MPRIP: variants seen among roughly 807,000 people sequenced by gnomAD.
The protein encoded by MPRIP is myosin phosphatase Rho-interacting protein.
MPRIP carries 59 observed loss-of-function variants against 234.9 expected under a neutral mutation model. The ratio of observed to expected loss-of-function variants is 0.25; its 90% CI spans 0.20 to 0.31. The LOEUF (loss-of-function observed/expected upper bound fraction) is 0.31, where lower values mean the gene tolerates loss of function less well. Ranked by LOEUF, MPRIP falls within the 10% of genes least tolerant of loss-of-function variation. MPRIP has a pLI of 1.00. For missense variants in MPRIP, 2,436 were observed against 3,071.0 expected (o/e 0.79, Z 4.89); for synonymous variants, 1,144 against 1,263.9 (o/e 0.91, Z 2.01).
In MPRIP at chr17:17,158,873, G is replaced by C; in HGVS notation, c.2271G>C (p.Arg757=). Residue 757 remains arginine, a synonymous_variant, in exon 14 of 24, where the codon CGG becomes CGC. Transcript: ENST00000651222. ...THNVHVEIEQ[R]WHQVETTPLR... ...ACGTCCACGTGGAGATTGAGCAGCG[G>C]TGGCATCAGGTGGAGACCACACCTC... The C allele has an allele frequency of 6.2e-7, 1 of 1,612,012 alleles. No homozygotes were observed.
At chr17:17,116,093 A>G (rs1229996237) in intron 3 of MPRIP, among the ~76,000 whole-genome samples, 1 of 152,236 alleles carries the variant, frequency 6.6e-6, no homozygotes, top group Non-Finnish European at 1.5e-5. Flanking sequence ...ATATAAATCT[A>G]GCAGGGTTGG....
chr17:17,123,016 A>T (rs554018496), intron 3 of MPRIP, among the ~76,000 whole-genome samples: 14 of 152,382 alleles, frequency 9.2e-5, no homozygotes, highest in African/African-American at 2.4e-4. Context: ...ATAGCCGCAC[A>T]ATGGAACGTT....
chr17:17,043,228 C>T (rs1022899637), intron 1 of MPRIP, among the ~76,000 whole-genome samples: 1 of 152,138 alleles, frequency 6.6e-6, no homozygotes, highest in Admixed American at 6.5e-5. Flanking sequence ...CTCAAAAGTG[C>T]CTGGTTTCGC....
At chr17:17,172,854 C>T (rs748233713) in intron 18 of MPRIP, 39 bp downstream of exon 18, 9 of 1,549,902 alleles carry the variant, frequency 5.8e-6, no homozygotes, top group Non-Finnish European at 8.0e-6. Context: ...TTGGGAGGGC[C>T]CCTCTGGGGT....
intron 3 of MPRIP, among the ~76,000 whole-genome samples, chr17:17,081,867 A>T (rs905080206): frequency 6.6e-6 from 1 of 152,094 alleles, no homozygotes; most frequent in Non-Finnish European, 1.5e-5. Flanking sequence ...AGGAGAGGCA[A>T]ATTTCCCGAA....
chr17:17,133,041 C>T (rs1004537879), intron 5 of MPRIP, among the ~76,000 whole-genome samples: 1 of 152,202 alleles, frequency 6.6e-6, no homozygotes, highest in African/African-American at 2.4e-5. Context: ...AGAAGCCGCT[C>T]TCAGCCCAGT....
In MPRIP at chr17:17,126,815, G is replaced by A. The variant is rs140002644; in HGVS notation, c.381G>A (p.Glu127=). The A allele has an allele frequency of 2.4e-4, 380 of 1,614,220 alleles. 2 individuals carry two copies. In the African/African-American group the frequency reaches 4.6e-3, roughly 19 times the overall value. ...FSLCILTPEK[E]HFIRAETKEI... is the part of the protein sequence containing the mutation. ...TGTGTATTCTGACGCCTGAGAAGGA[G>A]CATTTCATCCGGGCGGAGACCAAGG... Residue 127 remains glutamate, a synonymous_variant, in exon 4 of 24, where the codon GAG becomes GAA. Transcript: ENST00000651222.
chr17:17,075,777 A>G lies in MPRIP; in HGVS notation c.191A>G (p.His64Arg). ...PDGTDFDNPVHRSRKWQRRFF... is the reference protein window; with the variant it reads ...PDGTDFDNPVRRSRKWQRRFF... ...GGGACCGACTTTGACAACCCAGTGC[A>G]CCGGTCTCGGGTAAGGGCATCAGAG... Residue 64 changes from histidine (H) to arginine (R), a missense_variant, in exon 2 of 24, where the codon CAC (histidine) becomes CGC (arginine). Physicochemically the swap from His to Arg is conservative, Grantham distance 29. This residue lies in a region of MPRIP where 140 missense variants were observed against 207.3 expected (regional missense o/e 0.68). Transcript: ENST00000651222. 1.9e-6 allele frequency: 3 copies of G among 1,613,900 alleles called. No homozygotes were observed. The highest frequency in any genetic ancestry group is 2.5e-6 in the Non-Finnish European group (3 of 1,179,956).
chr17:17,137,901 C>T lies in MPRIP; in HGVS notation c.737-15C>T, dbSNP rs747356640. The T allele has an allele frequency of 1.9e-6, 3 of 1,566,948 alleles. No homozygotes were observed. The highest frequency in any genetic ancestry group is 2.6e-6 in the Non-Finnish European group (3 of 1,157,246). On this transcript the variant is annotated splice_polypyrimidine_tract_variant and intron_variant, in intron 6 of 23. Coordinates refer to ENST00000651222, the MANE Select transcript of MPRIP (RefSeq NM_001364716.4). ...CAGGCTGAGTGCGTCTCCTCCCTCC[C>T]ACTGTCTCTTCCAGAGGAGAGCGCC...
At chr17:17,172,886 C>A (rs2046175239) in intron 18 of MPRIP, 71 bp downstream of exon 18, 1 of 1,385,938 alleles carries the variant, frequency 7.2e-7, no homozygotes, top group Non-Finnish European at 1.0e-6. Flanking sequence ...CACAGCTGGG[C>A]CCTTCCTGTG....
chr17:17,164,389 G>A lies in MPRIP; in HGVS notation c.2798G>A (p.Arg933Gln), dbSNP rs891831623. Residue 933 changes from arginine (R) to glutamine (Q), a missense_variant, in exon 16 of 24, where the codon CGG becomes CAG. By Grantham distance (43) the Arg-to-Gln change is conservative. Transcript: ENST00000651222. Reference sequence around the variant, plus strand: ...GGCGACCTGAAGCGGGAGCAGGGCCGGGTCCGCGAGCAGCTGGAGGAGCGG... The same window carrying A: ...GGCGACCTGAAGCGGGAGCAGGGCCAGGTCCGCGAGCAGCTGGAGGAGCGG... Reference protein sequence around the residue: ...LKGDLKREQGRVREQLEERQH... With the variant: ...LKGDLKREQGQVREQLEERQH... The A allele has an allele frequency of 7.0e-6, 9 of 1,290,264 alleles. No individual in the cohort carries two copies. Among genetic ancestry groups the A allele is most frequent in the African/African-American group, 4.6e-5 (3 of 65,680 alleles). 79.9% of individuals were successfully genotyped at this position (1,290,264 alleles called of 1,614,324 possible).
chr17:17,121,913 T>G (rs936906147), intron 3 of MPRIP, among the ~76,000 whole-genome samples: 4 of 152,222 alleles, frequency 2.6e-5, no homozygotes, highest in African/African-American at 9.7e-5. Flanking sequence ...GCATGTGCTG[T>G]GTGGTTTTCT....
intron 3 of MPRIP, among the ~76,000 whole-genome samples, chr17:17,125,422 G>A (rs1003828613): frequency 1.3e-5 from 2 of 152,252 alleles, no homozygotes; most frequent in South Asian, 4.1e-4. Context: ...TAACCATGGA[G>A]AAAAGAGCCA....
At chr17:17,053,889 T>G (rs2088616050) in intron 1 of MPRIP, among the ~76,000 whole-genome samples, 1 of 152,236 alleles carries the variant, frequency 6.6e-6, no homozygotes. Context: ...TTGTGTGTGT[T>G]TGATTTTTCA....
intron 3 of MPRIP, among the ~76,000 whole-genome samples, chr17:17,121,566 G>A (rs769765945): frequency 3.3e-5 from 5 of 152,260 alleles, no homozygotes; most frequent in Non-Finnish European, 7.3e-5. Flanking sequence ...ATTGTGCCCT[G>A]CGCCTGTGCT....
rs549067147 is a variant in MPRIP, at chr17:17,166,129, T to G, written c.4538T>G (p.Val1513Gly). The stretch of plus-strand genomic sequence containing the variant: ...CTGGCCAGTGTGGAGAGTGCACTCG[T>G]CAGCGCCATCCAAGCCCTGCAGCAC... The part of the protein sequence containing the change: ...ASLASVESAL[V>G]SAIQALQHWP... Residue 1513 changes from valine to glycine, a missense_variant, in exon 16 of 24, where the codon GTC becomes GGC. This residue lies in a region of MPRIP where 1,998 missense variants were observed against 2,520.3 expected (regional missense o/e 0.79). Coordinates refer to ENST00000651222, the MANE Select transcript of MPRIP (RefSeq NM_001364716.4). This position sits in a 1 kb window ranked among gnomAD's most constrained non-coding sequence, Gnocchi z 4.4. The G allele has an allele frequency of 1.8e-5, 23 of 1,301,500 alleles. No homozygotes were observed. The South Asian group carries it at 2.2e-4, about 13-fold the overall frequency. 80.6% of individuals were successfully genotyped at this position (1,301,500 alleles called of 1,614,324 possible).
At chr17:17,092,053 G>T (rs1410774747) in intron 3 of MPRIP, among the ~76,000 whole-genome samples, 1 of 152,226 alleles carries the variant, frequency 6.6e-6, no homozygotes, top group Non-Finnish European at 1.5e-5. Flanking sequence ...AGGGCCCTCT[G>T]TGGGAACAAC....
At chr17:17,057,335 CG>C (rs1567685368) in intron 1 of MPRIP, among the ~76,000 whole-genome samples, 1 of 152,214 alleles carries the variant, frequency 6.6e-6, no homozygotes, top group East Asian at 1.9e-4. Context: ...CTCAGCTGCT[CG>C]GAGGTACACG....
chr17:17,158,703 C>G lies in MPRIP; in HGVS notation c.2101C>G (p.Arg701Gly). The G allele has an allele frequency of 6.2e-7, 1 of 1,609,426 alleles. No homozygotes were observed. The highest frequency in any genetic ancestry group is 8.5e-7 in the Non-Finnish European group (1 of 1,179,324). ...RPEAEPGELE[R>G]ERARRREERR... ...TGAGGCGGAGCCTGGGGAGCTGGAG[C>G]GGGAGCGTGCACGGAGGCGGGAGGA... The change falls in exon 14 of 24, where the codon CGG becomes GGG. Residue 701 changes from arginine (R) to glycine (G), a missense_variant. Physicochemically the swap from Arg to Gly is moderately radical, Grantham distance 125. Coordinates refer to ENST00000651222, the MANE Select transcript of MPRIP (RefSeq NM_001364716.4).
Sources: gnomAD v4.1 joint callset for allele counts (sites outside exome capture counted in the v4.1 genomes callset) on GRCh38, gnomAD v4.1.1 for gene constraint, gnomAD v4.1.1 regional missense constraint, Gnocchi (gnomAD v3.1) non-coding constraint, MANE v1.5 for transcripts, NCBI Gene and HGNC (gene_info 2026-07-23, HGNC 2026-07-21) for gene names.